Variants in DPP10 observed in about 807,000 individuals in gnomAD.
DPP10 encodes inactive dipeptidyl peptidase 10.
Under a neutral mutation model 120.9 loss-of-function variants are expected in DPP10, and 33 were observed. The ratio of observed to expected loss-of-function variants is 0.27; its 90% CI spans 0.21 to 0.37. DPP10 has a LOEUF of 0.37. DPP10 is among the 10% of genes least tolerant of loss of function. The pLI is 1.00. For synonymous variants in DPP10, 337 were observed against 326.1 expected, an observed-to-expected ratio of 1.03 and a Z score of -0.36; for missense variants, 816 against 942.8, an observed-to-expected ratio of 0.87 and a Z score of 1.76.
chr2:115,563,084 A>C (rs1342367940), intron 5 of DPP10, among the ~76,000 whole-genome samples: 1 of 152,216 alleles, frequency 6.6e-6, no homozygotes, highest in Non-Finnish European at 1.5e-5. Context: ...CCTTTTATGA[A>C]CATCATGGGC....
At chr2:114,792,144 A>C (rs923242170) in intron 1 of DPP10, among the ~76,000 whole-genome samples, 2 of 152,206 alleles carry the variant, frequency 1.3e-5, no homozygotes, top group Non-Finnish European at 2.9e-5. Flanking sequence ...TAGCCTATGA[A>C]ATAAAATCTA....
chr2:114,722,000 T>A (rs774303243), intron 1 of DPP10, among the ~76,000 whole-genome samples: 8 of 152,150 alleles, frequency 5.3e-5, no homozygotes, highest in Non-Finnish European at 8.8e-5. Flanking sequence ...TAAGACAGCT[T>A]ATGTAAAGGA....
intron 1 of DPP10, among the ~76,000 whole-genome samples, chr2:114,970,671 C>A (rs1353785284): frequency 6.6e-6 from 1 of 152,076 alleles, no homozygotes; most frequent in Non-Finnish European, 1.5e-5. Context: ...AATATGTGAT[C>A]CTAAGTAATG....
intron 1 of DPP10, among the ~76,000 whole-genome samples, chr2:114,965,485 G>C (rs1472538420): frequency 6.6e-6 from 1 of 152,126 alleles, no homozygotes; most frequent in African/African-American, 2.4e-5. Context: ...TCCAAGTGGA[G>C]ATATCAAGGA....
intron 1 of DPP10, among the ~76,000 whole-genome samples, chr2:114,773,509 A>G (rs751488972): frequency 1.3e-5 from 2 of 152,128 alleles, no homozygotes; most frequent in African/African-American, 2.4e-5. Flanking sequence ...TTAAATGAAC[A>G]TATGTAATGG....
intron 7 of DPP10, among the ~76,000 whole-genome samples, chr2:115,717,868 G>T (rs969246110): frequency 6.6e-6 from 1 of 152,202 alleles, no homozygotes; most frequent in South Asian, 2.1e-4. Context: ...GGTCCTGGGT[G>T]GGGGCATGAC....
intron 1 of DPP10, among the ~76,000 whole-genome samples, chr2:114,670,616 C>T (rs1698264319): frequency 6.6e-6 from 1 of 152,088 alleles, no homozygotes; most frequent in Non-Finnish European, 1.5e-5. Flanking sequence ...ACCAGCATGA[C>T]ACATGTATAC....
intron 3 of DPP10, among the ~76,000 whole-genome samples, chr2:115,472,168 C>A (rs964879063): frequency 1.3e-5 from 2 of 152,046 alleles, no homozygotes; most frequent in Non-Finnish European, 2.9e-5. Context: ...TGTTTTAAAT[C>A]ATTTACTCAT....
At chr2:115,755,683 T>C (rs1287644296) in intron 11 of DPP10, among the ~76,000 whole-genome samples, 2 of 151,860 alleles carry the variant, frequency 1.3e-5, no homozygotes, top group Non-Finnish European at 2.9e-5. Context: ...TGGAAAACAG[T>C]ATGGAGGTTT....
chr2:115,217,739 T>C (rs72955556), intron 1 of DPP10, among the ~76,000 whole-genome samples: 63 of 152,312 alleles, frequency 4.1e-4, no homozygotes, highest in African/African-American at 1.4e-3. Flanking sequence ...CTGATTGCTT[T>C]GCCCAAATTA....
At chr2:115,574,824 C>A (rs1412480126) in intron 5 of DPP10, among the ~76,000 whole-genome samples, 1 of 152,154 alleles carries the variant, frequency 6.6e-6, no homozygotes, top group Admixed American at 6.5e-5. Flanking sequence ...CTCACATTGT[C>A]CCCTTGATCC....
chr2:114,806,130 G>T (rs1022405706), intron 1 of DPP10, among the ~76,000 whole-genome samples: 1 of 152,308 alleles, frequency 6.6e-6, no homozygotes, highest in South Asian at 2.1e-4. Flanking sequence ...GATGCAAACA[G>T]ATACCTTCAG....
intron 1 of DPP10, among the ~76,000 whole-genome samples, chr2:114,611,532 A>G (rs1368707041): frequency 6.6e-6 from 1 of 152,178 alleles, no homozygotes; most frequent in African/African-American, 2.4e-5. Context: ...TAGAGACAAA[A>G]GAATTGATTG....
intron 1 of DPP10, chr2:115,162,137 C>T (rs958961459): frequency 2.0e-5 from 30 of 1,531,204 alleles, no homozygotes; most frequent in Middle Eastern, 4.6e-4. Context: ...CTCTTCTCAC[C>T]CTCCCCCGCC....
chr2:115,140,085 A>G (rs2050846143), intron 1 of DPP10, among the ~76,000 whole-genome samples: 1 of 152,260 alleles, frequency 6.6e-6, no homozygotes, highest in African/African-American at 2.4e-5. Context: ...AAGAGAGAGC[A>G]CAAACATATA....
chr2:115,290,081 G>A (rs2060591402), intron 1 of DPP10, among the ~76,000 whole-genome samples: 2 of 151,984 alleles, frequency 1.3e-5, no homozygotes, highest in Non-Finnish European at 2.9e-5. Context: ...GGGAGAAAAC[G>A]TTTGCAAACT....
chr2:115,245,061 C>G (rs1184610794), intron 1 of DPP10, among the ~76,000 whole-genome samples: 2 of 151,960 alleles, frequency 1.3e-5, no homozygotes, highest in Non-Finnish European at 2.9e-5. Context: ...GTTCTCATAG[C>G]TTAGCTCCCA....
At chr2:115,604,871 C>G (rs906319058) in intron 5 of DPP10, among the ~76,000 whole-genome samples, 1 of 152,144 alleles carries the variant, frequency 6.6e-6, no homozygotes, top group Non-Finnish European at 1.5e-5. Flanking sequence ...CCAATTTCTT[C>G]TCTTGTACTT....
At chr2:115,022,325 A>C (rs1475013137) in intron 1 of DPP10, among the ~76,000 whole-genome samples, 3 of 152,156 alleles carry the variant, frequency 2.0e-5, no homozygotes, top group Non-Finnish European at 4.4e-5. Flanking sequence ...TTCAGGATAC[A>C]AAATTAATGT....
Sources: allele counts gnomAD v4.1 joint callset (sites outside exome capture counted in the v4.1 genomes callset), GRCh38; gene constraint gnomAD v4.1.1; transcripts MANE v1.5; gene names NCBI Gene and HGNC (gene_info 2026-07-23, HGNC 2026-07-21).